The following TSPEAR variants were observed in gnomAD, a reference collection of about 807,000 sequenced individuals.
TSPEAR encodes the protein thrombospondin-type laminin G domain and EAR repeat-containing protein.
In TSPEAR, 69 loss-of-function variants were observed where a neutral mutation model predicts 71.6. The observed-to-expected ratio is 0.96, with a 90% confidence interval of 0.79 to 1.18. The LOEUF is 1.18. Among genes scored for constraint, TSPEAR ranks in the 50% most tolerant of loss-of-function variants. TSPEAR has a pLI of 0.00. For missense variants in TSPEAR, 971 were observed against 894.9 expected, an observed-to-expected ratio of 1.09 and a Z score of -1.09; for synonymous variants, 402 against 387.2, an observed-to-expected ratio of 1.04 and a Z score of -0.45.
intron 1 of TSPEAR, among the ~76,000 whole-genome samples, chr21:44,568,709 C>T (rs2053741304): frequency 6.6e-6 from 1 of 152,152 alleles, no homozygotes; most frequent in African/African-American, 2.4e-5. Flanking sequence ...TGGCTGGGAG[C>T]AGAGCCTGAG....
At chr21:44,558,743 G>T in intron 2 of TSPEAR, 1 of 1,574,828 alleles carries the variant, frequency 6.3e-7, no homozygotes. Flanking sequence ...GTGAGCTGGG[G>T]GAGACGTGAG....
chr21:44,601,383 T>C (rs1980882554), intron 1 of TSPEAR: 1 of 1,612,236 alleles, frequency 6.2e-7, no homozygotes, highest in African/African-American at 1.3e-5. Flanking sequence ...GCCAGCCAGC[T>C]TGCTGCACCT....
At chr21:44,684,616 C>T (rs1396397653) in intron 1 of TSPEAR, among the ~76,000 whole-genome samples, 1 of 152,350 alleles carries the variant, frequency 6.6e-6, no homozygotes, top group East Asian at 1.9e-4. Flanking sequence ...CAGATGTGCG[C>T]TGCAGGCAAC....
At chr21:44,504,144 CAGT>C (rs1555911550) in intron 11 of TSPEAR, among the ~76,000 whole-genome samples, 1 of 135,272 alleles carries the variant, frequency 7.4e-6, no homozygotes, top group African/African-American at 2.9e-5. Flanking sequence ...AGTGAGCCCA[CAGT>C]GGGGAAGCAA....
At chr21:44,669,760 G>A (rs1025432252) in intron 1 of TSPEAR, among the ~76,000 whole-genome samples, 9 of 152,132 alleles carry the variant, frequency 5.9e-5, no homozygotes, top group South Asian at 4.1e-4. Flanking sequence ...ATGAACATCC[G>A]GATGCCCTTT....
intron 1 of TSPEAR, among the ~76,000 whole-genome samples, chr21:44,665,156 C>T (rs1985687715): frequency 6.6e-6 from 1 of 152,246 alleles, no homozygotes; most frequent in South Asian, 2.1e-4. Context: ...TATCCAAAGC[C>T]TCCCAGTTTA....
At chr21:44,586,705 A>G (rs463267) in intron 1 of TSPEAR, among the ~76,000 whole-genome samples, 143,359 of 152,052 alleles carry the variant, frequency 0.94, 67,749 homozygotes, top group Non-Finnish European at 0.97. Context: ...TTTCATACAA[A>G]TAGAATCCCA....
At position 44,527,438 on chromosome 21, in the gene TSPEAR, T is replaced by G. The variant is rs782127050; in HGVS notation, c.1003A>C (p.Ile335Leu). 5.0e-6 allele frequency: 8 copies of G among 1,614,120 alleles called. No homozygotes were observed. Among genetic ancestry groups the G allele is most frequent in the Non-Finnish European group, 6.8e-6 (8 of 1,180,044 alleles). Residue 335 changes from isoleucine (I) to leucine (L), a missense_variant, in exon 7 of 12, where the codon ATC becomes CTC. Ile to Leu is a conservative substitution (Grantham distance 5). Coordinates refer to ENST00000323084, the MANE Select transcript of TSPEAR (RefSeq NM_144991.3). ...GCCACAAAGAGCCCCACCTGAGGGA[T>G]GCGGAACACCTCAATGCCCAGGGTC... ...SETLGIEVFR[I>L]PQVGLFVATA... is the part of the protein sequence containing the mutation.
chr21:44,627,066 T>C lies in TSPEAR; in HGVS notation c.83-59061A>G, dbSNP rs587627559. ...TGGAACAACAAGGCCAGGAGGGGTA[T>C]AAAAGCCTGAGAGCCCCAAGAACCT... On this transcript the variant is annotated intron_variant, in intron 1 of 11. Coordinates refer to ENST00000323084, the MANE Select transcript of TSPEAR (RefSeq NM_144991.3). 4.4e-5 allele frequency: 67 copies of C among 1,527,272 alleles called. No individual in the cohort carries two copies. The African/African-American group carries it at 8.5e-4, about 19-fold the overall frequency. The allele number at this position is 1,527,272 out of a possible 1,614,324, so 94.6% of individuals were successfully genotyped here.
intron 1 of TSPEAR, among the ~76,000 whole-genome samples, chr21:44,606,855 C>T (rs975451945): frequency 8.6e-5 from 13 of 152,014 alleles, no homozygotes; most frequent in African/African-American, 2.7e-4. Context: ...TACCAGAGGC[C>T]GGGGGCTGCC....
chr21:44,525,743 A>G lies in TSPEAR; in HGVS notation c.1246T>C (p.Tyr416His), dbSNP rs587770604. Reference protein sequence around the residue: ...WSHRKLKFTPYQSIATHSARD... With the variant: ...WSHRKLKFTPHQSIATHSARD... ...GCGCTGTGTGTGGCAATGCTCTGAT[A>G]TGGGGTAAACTTCAGCTTTCTGTGG... The change falls in exon 8 of 12, where the codon TAT becomes CAT. Residue 416 changes from tyrosine (Y) to histidine (H), a missense_variant. Physicochemically the swap from Tyr to His is moderately conservative, Grantham distance 83 (BLOSUM62 2). Transcript: ENST00000323084. The G allele has an allele frequency of 1.4e-5, 23 of 1,614,092 alleles. No individual in the cohort carries two copies. In the South Asian group the frequency reaches 2.1e-4, roughly 15 times the overall value.
rs781844254 is a variant in TSPEAR, at chr21:44,601,607, G to C, written c.83-33602C>G. The C allele has an allele frequency of 1.7e-5, 27 of 1,613,260 alleles. 1 individual carries two copies. The South Asian group carries it at 3.0e-4, about 18-fold the overall frequency. ...TGCTGCGTGCCCGTCCCCTCCTGCT[G>C]CGCCCCCACCTCCTCCTGCCAGGCC... On this transcript the variant is annotated intron_variant, in intron 1 of 11. Transcript: ENST00000323084.
chr21:44,581,816 CA>C (rs1227109205), intron 1 of TSPEAR, among the ~76,000 whole-genome samples: 1 of 152,196 alleles, frequency 6.6e-6, no homozygotes, highest in African/African-American at 2.4e-5. Flanking sequence ...CACTGGACAT[CA>C]GTTAAGCTCT....
At chr21:44,533,535 C>T in intron 3 of TSPEAR, 150 bp downstream of exon 3, 1 of 685,764 alleles carries the variant, frequency 1.5e-6, no homozygotes, top group East Asian at 2.7e-5. Flanking sequence ...GTGGATGGCT[C>T]CTGCCCCTCC....
At chr21:44,672,985 C>T (rs1210302352) in intron 1 of TSPEAR, among the ~76,000 whole-genome samples, 1 of 152,194 alleles carries the variant, frequency 6.6e-6, no homozygotes, top group Non-Finnish European at 1.5e-5. Flanking sequence ...CCAATTAATC[C>T]TCTTTTCTTT....
intron 1 of TSPEAR, chr21:44,654,682 CT>C: frequency 8.7e-7 from 1 of 1,150,920 alleles, no homozygotes; most frequent in Non-Finnish European, 1.2e-6. Context: ...CTTAGGTGGC[CT>C]TTATACCCAG....
chr21:44,676,188 G>T, intron 1 of TSPEAR: 5 of 1,253,134 alleles, frequency 4.0e-6, no homozygotes, highest in Non-Finnish European at 5.9e-6. Context: ...AGCTATTTCT[G>T]GTTTAATCAA....
chr21:44,655,927 C>G (rs1315435029), intron 1 of TSPEAR, among the ~76,000 whole-genome samples: 1 of 152,080 alleles, frequency 6.6e-6, no homozygotes, highest in Non-Finnish European at 1.5e-5. Flanking sequence ...TCAGACAAGT[C>G]AGACACCACA....
At chr21:44,701,193 C>A (rs970464688) in intron 1 of TSPEAR, among the ~76,000 whole-genome samples, 1 of 152,224 alleles carries the variant, frequency 6.6e-6, no homozygotes, top group African/African-American at 2.4e-5. Context: ...AGGGACAGCG[C>A]GGAGTGGTCG....
Sources: gnomAD v4.1 joint callset for allele counts (sites outside exome capture counted in the v4.1 genomes callset) on GRCh38, gnomAD v4.1.1 for gene constraint, MANE v1.5 for transcripts, NCBI Gene and HGNC (gene_info 2026-07-23, HGNC 2026-07-21) for gene names.